NRXN1: variants seen among roughly 807,000 people sequenced by gnomAD.
NRXN1 encodes neurexin-1.
NRXN1 carries 39 observed loss-of-function variants against 150.9 expected under a neutral mutation model. The ratio of observed to expected loss-of-function variants is 0.26; its 90% CI spans 0.20 to 0.34. NRXN1 has a LOEUF of 0.34. NRXN1 is among the 10% of genes least tolerant of loss of function. The probability of loss-of-function intolerance (pLI) is 1.00; values close to 1 mark genes in which losing one functional copy is unlikely to be tolerated. For missense variants in NRXN1, 1,815 were observed against 1,949.9 expected, an observed-to-expected ratio of 0.93 and a Z score of 1.30; for synonymous variants, 924 against 757.0, an observed-to-expected ratio of 1.22 and a Z score of -3.62.
chr2:50,818,129 A>G, intron 5 of NRXN1, among the ~76,000 whole-genome samples: 1 of 149,312 alleles, frequency 6.7e-6, no homozygotes, highest in East Asian at 2.0e-4. Context: ...AAAAAAAAAA[A>G]AAAAAGTTGG....
At chr2:49,999,754 A>G (rs1210996977) in intron 21 of NRXN1, among the ~76,000 whole-genome samples, 2 of 152,192 alleles carry the variant, frequency 1.3e-5, no homozygotes, top group African/African-American at 2.4e-5. Context: ...ATATAAAAGC[A>G]CATACAATCT....
intron 8 of NRXN1, among the ~76,000 whole-genome samples, chr2:50,605,333 C>T (rs1166841314): frequency 6.6e-6 from 1 of 152,162 alleles, no homozygotes; most frequent in African/African-American, 2.4e-5. Context: ...GTAAATCCAG[C>T]ATCTAGTCAG....
intron 17 of NRXN1, among the ~76,000 whole-genome samples, chr2:50,449,394 T>C (rs1229273918): frequency 6.6e-6 from 1 of 152,244 alleles, no homozygotes; most frequent in Admixed American, 6.5e-5. Flanking sequence ...AAGAGAAGTC[T>C]TCCCTCATTT....
intron 17 of NRXN1, among the ~76,000 whole-genome samples, chr2:50,248,951 A>T (rs1183576429): frequency 1.3e-5 from 2 of 150,952 alleles, no homozygotes; most frequent in African/African-American, 4.9e-5. Context: ...GTTTGAGACT[A>T]GCCTGGGCAA....
At chr2:50,560,790 G>C (rs192825143) in intron 8 of NRXN1, among the ~76,000 whole-genome samples, 1 of 152,120 alleles carries the variant, frequency 6.6e-6, no homozygotes, top group Non-Finnish European at 1.5e-5. Flanking sequence ...GTTTTGGGAA[G>C]GCAGCAAGTT....
At chr2:50,082,164 G>A (rs1261338748) in intron 19 of NRXN1, among the ~76,000 whole-genome samples, 2 of 152,062 alleles carry the variant, frequency 1.3e-5, no homozygotes, top group African/African-American at 2.4e-5. Context: ...TTTTATATCT[G>A]ACATGATTAA....
intron 2 of NRXN1, among the ~76,000 whole-genome samples, chr2:50,928,519 AT>A (rs570021128): frequency 8.8e-4 from 134 of 152,094 alleles, no homozygotes; most frequent in Non-Finnish European, 1.6e-3. Flanking sequence ...TTCTCCAGGT[AT>A]TTTTTTCCCT....
At chr2:50,616,928 C>T (rs1342104591) in intron 8 of NRXN1, among the ~76,000 whole-genome samples, 2 of 152,310 alleles carry the variant, frequency 1.3e-5, no homozygotes, top group South Asian at 2.1e-4. Context: ...GGAAAATTTA[C>T]ATAGATTTTA....
chr2:50,590,552 C>T (rs925236018), intron 8 of NRXN1, among the ~76,000 whole-genome samples: 19 of 152,056 alleles, frequency 1.2e-4, no homozygotes, highest in Non-Finnish European at 4.4e-5. Context: ...TATGTGTGCC[C>T]CCTCTCCACC....
At chr2:50,608,035 G>A (rs1201862869) in intron 8 of NRXN1, among the ~76,000 whole-genome samples, 1 of 151,960 alleles carries the variant, frequency 6.6e-6, no homozygotes, top group East Asian at 1.9e-4. Flanking sequence ...GGGGGTAAAT[G>A]AGAAGCCCAC....
chr2:50,228,289 G>C (rs2064599010), intron 18 of NRXN1, among the ~76,000 whole-genome samples: 1 of 151,852 alleles, frequency 6.6e-6, no homozygotes, highest in Non-Finnish European at 1.5e-5. Context: ...TTTTATATGA[G>C]TAGTAGAAAA....
intron 8 of NRXN1, among the ~76,000 whole-genome samples, chr2:50,574,066 C>T (rs1288725529): frequency 3.9e-5 from 6 of 151,988 alleles, no homozygotes; most frequent in African/African-American, 1.4e-4. Flanking sequence ...CAGTTTTTCC[C>T]AGGACTGGGT....
chr2:50,223,406 G>A (rs899972462), intron 18 of NRXN1, among the ~76,000 whole-genome samples: 2 of 151,860 alleles, frequency 1.3e-5, no homozygotes, highest in South Asian at 2.1e-4. Flanking sequence ...AATAACCATC[G>A]GTCTTGATTT....
intron 2 of NRXN1, among the ~76,000 whole-genome samples, chr2:50,991,684 T>C (rs569427454): frequency 4.6e-5 from 7 of 151,938 alleles, no homozygotes; most frequent in Non-Finnish European, 8.8e-5. Context: ...AACCAGAAAA[T>C]AGTCTGACAT....
At chr2:50,474,829 G>A (rs1053815448) in intron 15 of NRXN1, among the ~76,000 whole-genome samples, 26 of 24,318 alleles carry the variant, frequency 1.1e-3, no homozygotes, top group Non-Finnish European at 9.6e-4. Flanking sequence ...TTACCCGCCC[G>A]CCCCCCTACC....
At position 50,620,149 on chromosome 2, in the gene NRXN1, G is replaced by A. The variant is rs147400611; in HGVS notation, c.1193C>T (p.Thr398Met). The stretch of plus-strand genomic sequence containing the variant: ...GGTATAATCTTCTTGCGTGTAGCCC[G>A]TTGTGGTAAGAATCCCATCCACTGA... Reference protein sequence around the residue: ...TISVDGILTTTGYTQEDYTML... With the variant: ...TISVDGILTTMGYTQEDYTML... The change falls in exon 8 of 23, where the codon ACG becomes ATG. Residue 398 changes from threonine to methionine, a missense_variant. Thr to Met is a moderately conservative substitution (Grantham distance 81, BLOSUM62 -1). Coordinates refer to ENST00000401669, the MANE Select transcript of NRXN1 (RefSeq NM_001330078.2). 4 of 1,613,396 alleles carry A rather than the reference G, an allele frequency of 2.5e-6. No individual in the cohort carries two copies. The highest frequency in any genetic ancestry group is 2.5e-6 in the Non-Finnish European group (3 of 1,179,606).
intron 8 of NRXN1, among the ~76,000 whole-genome samples, chr2:50,605,165 T>C (rs1220246153): frequency 2.0e-5 from 3 of 152,232 alleles, no homozygotes; most frequent in Non-Finnish European, 1.5e-5. Flanking sequence ...CTCAACCATG[T>C]CTTAATCCTG....
chr2:50,382,055 G>A (rs1454087420), intron 17 of NRXN1, among the ~76,000 whole-genome samples: 1 of 152,146 alleles, frequency 6.6e-6, no homozygotes, highest in East Asian at 1.9e-4. Flanking sequence ...GAGTAGAGCA[G>A]AGAGAGTTGC....
intron 21 of NRXN1, among the ~76,000 whole-genome samples, chr2:50,003,661 G>A (rs367920209): frequency 4.6e-5 from 7 of 151,914 alleles, no homozygotes; most frequent in African/African-American, 7.2e-5. Context: ...AACTAAAGTC[G>A]GTTATAAATT....
Sources: allele counts gnomAD v4.1 joint callset (sites outside exome capture counted in the v4.1 genomes callset), GRCh38; gene constraint gnomAD v4.1.1; transcripts MANE v1.5; gene names NCBI Gene and HGNC (gene_info 2026-07-23, HGNC 2026-07-21).